The following TAF4B variants were observed in gnomAD, a reference collection of about 807,000 sequenced individuals.
The protein encoded by TAF4B is transcription initiation factor TFIID subunit 4B.
In TAF4B, 38 loss-of-function variants were observed where a neutral mutation model predicts 86.4. That is an observed-to-expected ratio of 0.44 (90% CI 0.34 to 0.58). TAF4B has a LOEUF of 0.58. Among genes scored for constraint, TAF4B ranks in the 20% least tolerant of loss-of-function variants. The probability of loss-of-function intolerance (pLI) is 0.02; values close to 1 mark genes in which losing one functional copy is unlikely to be tolerated. For synonymous variants in TAF4B, 388 were observed against 391.2 expected, an observed-to-expected ratio of 0.99 and a Z score of 0.10; for missense variants, 988 against 1,027.6, an observed-to-expected ratio of 0.96 and a Z score of 0.53.
intron 7 of TAF4B, among the ~76,000 whole-genome samples, chr18:26,289,428 A>G (rs1598762981): frequency 6.6e-6 from 1 of 152,178 alleles, no homozygotes; most frequent in East Asian, 1.9e-4. Flanking sequence ...ATGGATTTAA[A>G]AATTCCTTTT....
chr18:26,361,446 T>A (rs1311773433), intron 14 of TAF4B, among the ~76,000 whole-genome samples: 1 of 151,390 alleles, frequency 6.6e-6, no homozygotes, highest in Non-Finnish European at 1.5e-5. Context: ...ATAATATGTT[T>A]GAAATTATGG....
intron 1 of TAF4B, among the ~76,000 whole-genome samples, chr18:26,230,690 A>G (rs910622334): frequency 6.6e-6 from 1 of 152,130 alleles, no homozygotes; most frequent in African/African-American, 2.4e-5. Flanking sequence ...TTTCACTCTC[A>G]TAGTACTCCC....
At chr18:26,350,026 G>A (rs530373241) in intron 13 of TAF4B, among the ~76,000 whole-genome samples, 4 of 152,232 alleles carry the variant, frequency 2.6e-5, no homozygotes, top group African/African-American at 9.6e-5. Flanking sequence ...AAGAATAAAT[G>A]TACACCTCCA....
intron 14 of TAF4B, among the ~76,000 whole-genome samples, chr18:26,361,638 G>C (rs575050871): frequency 6.6e-6 from 1 of 151,376 alleles, no homozygotes; most frequent in African/African-American, 2.4e-5. Context: ...CTAGCTACGT[G>C]GGGGGTTGAG....
intron 11 of TAF4B, 116 bp from the exon 12 acceptor site, chr18:26,326,899 A>G: frequency 8.4e-7 from 1 of 1,190,962 alleles, no homozygotes; most frequent in Non-Finnish European, 1.1e-6. Flanking sequence ...ACCTTCTGAA[A>G]GTTCAGCTTC....
At chr18:26,309,116 A>G (rs937201894) in intron 9 of TAF4B, among the ~76,000 whole-genome samples, 31 of 151,994 alleles carry the variant, frequency 2.0e-4, no homozygotes, top group Admixed American at 7.2e-4. Flanking sequence ...AAAAATCCTT[A>G]TAATGAACAT....
intron 13 of TAF4B, among the ~76,000 whole-genome samples, chr18:26,341,377 C>G (rs2057133830): frequency 6.6e-6 from 1 of 151,834 alleles, no homozygotes; most frequent in African/African-American, 2.4e-5. Context: ...TGAATATGTT[C>G]TTTCTTTCCT....
chr18:26,249,380 G>C (rs1459912943), intron 1 of TAF4B, among the ~76,000 whole-genome samples: 1 of 151,950 alleles, frequency 6.6e-6, no homozygotes. Context: ...TACTTGGGAG[G>C]AGAGGCTTGA....
intron 1 of TAF4B, among the ~76,000 whole-genome samples, chr18:26,252,948 T>A (rs1325815666): frequency 1.3e-5 from 2 of 152,118 alleles, no homozygotes; most frequent in Non-Finnish European, 2.9e-5. Flanking sequence ...TTCAGCACTG[T>A]CTGAGGTTTT....
At chr18:26,337,424 C>CTTTTTTTTTT (rs551888808) in intron 13 of TAF4B, among the ~76,000 whole-genome samples, 8 of 126,118 alleles carry the variant, frequency 6.3e-5, no homozygotes, top group Middle Eastern at 4.2e-3. Flanking sequence ...TTCTTTCTTT[C>CTTTTTTTTTT]TTTTTTTTTT....
chr18:26,361,708 C>T (rs933720025), intron 14 of TAF4B, among the ~76,000 whole-genome samples: 1 of 149,546 alleles, frequency 6.7e-6, no homozygotes, highest in African/African-American at 2.5e-5. Flanking sequence ...TCGCGCCACT[C>T]CCCTCCAGCC....
At chr18:26,362,510 T>C (rs1316965525) in intron 14 of TAF4B, among the ~76,000 whole-genome samples, 1 of 152,238 alleles carries the variant, frequency 6.6e-6, no homozygotes, top group Non-Finnish European at 1.5e-5. Flanking sequence ...AACAGATTTT[T>C]AGGTGTTTTT....
intron 9 of TAF4B, among the ~76,000 whole-genome samples, chr18:26,307,864 C>T (rs62085398): frequency 0.11 from 17,110 of 152,168 alleles, 987 homozygotes; most frequent in African/African-American, 0.14. Context: ...AATCCCAGCA[C>T]TCTGGGAGGC....
At chr18:26,280,154 A>G (rs941666181) in intron 5 of TAF4B, among the ~76,000 whole-genome samples, 4 of 152,200 alleles carry the variant, frequency 2.6e-5, no homozygotes, top group African/African-American at 9.7e-5. Context: ...CACCATATAT[A>G]AAAATTAACT....
chr18:26,307,737 T>C (rs1261430562), intron 9 of TAF4B, among the ~76,000 whole-genome samples: 1 of 152,186 alleles, frequency 6.6e-6, no homozygotes, highest in East Asian at 1.9e-4. Flanking sequence ...GTCCATTTTT[T>C]CCATACTGCA....
intron 10 of TAF4B, among the ~76,000 whole-genome samples, chr18:26,316,949 C>T (rs2056917918): frequency 6.6e-6 from 1 of 151,860 alleles, no homozygotes; most frequent in Non-Finnish European, 1.5e-5. Flanking sequence ...AGCTTAACTC[C>T]TTATTGCCAT....
chr18:26,258,722 G>T (rs1328739018), intron 1 of TAF4B, among the ~76,000 whole-genome samples: 1 of 151,968 alleles, frequency 6.6e-6, no homozygotes, highest in Non-Finnish European at 1.5e-5. Flanking sequence ...TAGAGACAAG[G>T]TCTTGCTCTG....
At chr18:26,293,969 A>G (rs1450390621) in intron 9 of TAF4B, among the ~76,000 whole-genome samples, 1 of 152,152 alleles carries the variant, frequency 6.6e-6, no homozygotes, top group African/African-American at 2.4e-5. Flanking sequence ...CATTTGGAAT[A>G]TTAGACGATG....
intron 5 of TAF4B, 125 bp from the exon 6 acceptor site, chr18:26,281,846 G>T: frequency 1.6e-6 from 1 of 631,244 alleles, no homozygotes; most frequent in Non-Finnish European, 2.7e-6. Flanking sequence ...GAAGAAAAAA[G>T]CCTATATTTA....
Sources: gnomAD v4.1 joint callset for allele counts (sites outside exome capture counted in the v4.1 genomes callset) on GRCh38, gnomAD v4.1.1 for gene constraint, MANE v1.5 for transcripts, NCBI Gene and HGNC (gene_info 2026-07-23, HGNC 2026-07-21) for gene names.